The following VLDLR variants were observed in gnomAD, a reference collection of about 807,000 sequenced individuals.
The protein encoded by VLDLR is very low-density lipoprotein receptor.
VLDLR carries 81 observed loss-of-function variants against 112.7 expected under a neutral mutation model. That is an observed-to-expected ratio of 0.72 (90% CI 0.60 to 0.86). VLDLR has a LOEUF of 0.86. Ranked by LOEUF, VLDLR falls within the 40% of genes least tolerant of loss-of-function variation. The probability of loss-of-function intolerance (pLI) is 0.00; values close to 1 mark genes in which losing one functional copy is unlikely to be tolerated. For synonymous variants in VLDLR, 436 were observed against 384.8 expected, an observed-to-expected ratio of 1.13 and a Z score of -1.56; for missense variants, 1,237 against 1,099.4, an observed-to-expected ratio of 1.13 and a Z score of -1.77.
At position 2,622,177 on chromosome 9, in the gene VLDLR, C is replaced by G; in HGVS notation, c.-13C>G. On this transcript the variant is annotated 5_prime_UTR_variant, in exon 1 of 19. It adds an upstream start codon to the 5' untranslated region. Transcript: ENST00000382100. ...GCGGCGGCGGCGGCGGCGGCACCAT[C>G]CAGGCGGGCACCATGGGCACGTCCG... 6.7e-7 allele frequency: 1 copy of G among 1,493,530 alleles called. No homozygotes were observed. 92.5% of individuals were successfully genotyped at this position (1,493,530 alleles called of 1,614,324 possible). A position where few individuals can be genotyped will look rare whatever the true frequency, so the allele number is the denominator to read the frequency against.
In VLDLR at chr9:2,655,952, T is replaced by C. The variant is rs775367045; in HGVS notation, c.*2084T>C. Reference sequence around the variant, plus strand: ...CCTGCTGTGGTACAAAAAACATGGATTTTTTTTTTTTTAACTGGAGTAATA... The same window carrying C: ...CCTGCTGTGGTACAAAAAACATGGACTTTTTTTTTTTTAACTGGAGTAATA... On this transcript the variant is annotated 3_prime_UTR_variant, in exon 19 of 19. Coordinates refer to ENST00000382100, the MANE Select transcript of VLDLR (RefSeq NM_003383.5). 4 of 120,158 alleles carry C rather than the reference T, an allele frequency of 3.3e-5. No homozygotes were observed. The highest frequency in any genetic ancestry group is 6.4e-5 in the Non-Finnish European group (4 of 62,406). The allele number at this position is 120,158 out of a possible 1,614,324, so 7.4% of individuals were successfully genotyped here.
At chr9:2,627,507 C>A (rs1817147348) in intron 1 of VLDLR, among the ~76,000 whole-genome samples, 1 of 152,054 alleles carries the variant, frequency 6.6e-6, no homozygotes, top group Non-Finnish European at 1.5e-5. Context: ...AGCCAACACA[C>A]CCAAAGGGAC....
intron 1 of VLDLR, among the ~76,000 whole-genome samples, chr9:2,627,338 G>A (rs1170090242): frequency 6.6e-6 from 1 of 152,178 alleles, no homozygotes; most frequent in Non-Finnish European, 1.5e-5. Flanking sequence ...CTACAAAAGT[G>A]ATATGACTAA....
intron 14 of VLDLR, 127 bp downstream of exon 14, chr9:2,648,937 C>T (rs1265735415): frequency 1.7e-6 from 2 of 1,175,622 alleles, no homozygotes; most frequent in East Asian, 2.5e-5. Context: ...CCTCCTGTAC[C>T]CTACCTTAAA....
chr9:2,630,731 T>A (rs1817312177), intron 1 of VLDLR, among the ~76,000 whole-genome samples: 1 of 152,192 alleles, frequency 6.6e-6, no homozygotes, highest in African/African-American at 2.4e-5. Context: ...CTATATGCAT[T>A]AAAAACCCTG....
intron 16 of VLDLR, among the ~76,000 whole-genome samples, 161 bp downstream of exon 16, chr9:2,651,659 C>G (rs969822455): frequency 6.6e-6 from 1 of 152,206 alleles, no homozygotes; most frequent in African/African-American, 2.4e-5. Flanking sequence ...CTTTTCCTGA[C>G]TGATCTTAAA....
chr9:2,636,111 G>T (rs186539165), intron 2 of VLDLR, among the ~76,000 whole-genome samples: 32 of 152,282 alleles, frequency 2.1e-4, no homozygotes, highest in Admixed American at 1.8e-3. Context: ...CTCCCCAAGA[G>T]AATGGGGATA....
At chr9:2,630,044 T>A (rs1293900755) in intron 1 of VLDLR, among the ~76,000 whole-genome samples, 5 of 152,158 alleles carry the variant, frequency 3.3e-5, no homozygotes, top group Admixed American at 2.0e-4. Context: ...TCTGCCCGCC[T>A]CAGCCTCCCA....
At chr9:2,653,059 T>G (rs912166208) in intron 18 of VLDLR, 110 bp downstream of exon 18, 4 of 1,371,432 alleles carry the variant, frequency 2.9e-6, no homozygotes, top group Non-Finnish European at 4.1e-6. Context: ...ACCAAACACT[T>G]CATCTGCTAC....
At chr9:2,648,554 C>T (rs1303987002) in intron 13 of VLDLR, 115 bp from the exon 14 acceptor site, 1 of 1,557,338 alleles carries the variant, frequency 6.4e-7, no homozygotes, top group Non-Finnish European at 8.9e-7. Context: ...ATCCAGTGTC[C>T]CAGTTCAGCA....
rs1383520928 is a variant in VLDLR, at chr9:2,655,976, T to C, written c.*2108T>C. The C allele has an allele frequency of 6.6e-6, 1 of 151,870 alleles. No homozygotes were observed. Among genetic ancestry groups the C allele is most frequent in the Non-Finnish European group, 1.5e-5 (1 of 67,996 alleles). The allele number at this position is 151,870 out of a possible 1,614,324, so 9.4% of individuals were successfully genotyped here. ...ATTTTTTTTTTTTTAACTGGAGTAA[T>C]ACCAAATTCCCTTTAGAAGCTTGAA... On this transcript the variant is annotated 3_prime_UTR_variant, in exon 19 of 19. Transcript: ENST00000382100.
chr9:2,651,699 G>T (rs1433121517), intron 16 of VLDLR, among the ~76,000 whole-genome samples, 175 bp from the exon 17 acceptor site: 1 of 152,188 alleles, frequency 6.6e-6, no homozygotes, highest in Non-Finnish European at 1.5e-5. Flanking sequence ...TCAGTGAAAT[G>T]GCTACTACAG....
In VLDLR at chr9:2,658,361, A is replaced by G. The variant is rs1461512148; in HGVS notation, c.*4493A>G. ...AAAGAACAAAGTAGGACCATGACCCAGTGTTCTCCTGTAAATCTCACTGTA... is the reference window on the plus strand; with the variant it reads ...AAAGAACAAAGTAGGACCATGACCCGGTGTTCTCCTGTAAATCTCACTGTA... On this transcript the variant is annotated 3_prime_UTR_variant, in exon 19 of 19. Coordinates refer to ENST00000382100, the MANE Select transcript of VLDLR (RefSeq NM_003383.5). The G allele has an allele frequency of 1.3e-5, 2 of 152,250 alleles. No homozygotes were observed. The highest frequency in any genetic ancestry group is 3.8e-4 in the East Asian group (2 of 5,208). 9.4% of individuals were successfully genotyped at this position (152,250 alleles called of 1,614,324 possible).
chr9:2,642,706 G>C (rs1291609075), intron 4 of VLDLR, among the ~76,000 whole-genome samples: 10 of 152,190 alleles, frequency 6.6e-5, no homozygotes, highest in Admixed American at 6.5e-4. Context: ...AACCATATAT[G>C]GTGGTATGTG....
intron 1 of VLDLR, among the ~76,000 whole-genome samples, chr9:2,631,114 A>G (rs1213176848): frequency 6.6e-6 from 1 of 152,252 alleles, no homozygotes; most frequent in Non-Finnish European, 1.5e-5. Flanking sequence ...CCAAAATGAC[A>G]TATAATCTTA....
At chr9:2,635,594 T>G (rs769004709) in intron 2 of VLDLR, 22 bp downstream of exon 2, 2 of 1,613,958 alleles carry the variant, frequency 1.2e-6, no homozygotes, top group African/African-American at 1.3e-5. Context: ...GTTTGATGAC[T>G]TATGCATTTT....
At chr9:2,627,924 G>C (rs1302583155) in intron 1 of VLDLR, among the ~76,000 whole-genome samples, 1 of 151,852 alleles carries the variant, frequency 6.6e-6, no homozygotes, top group Non-Finnish European at 1.5e-5. Flanking sequence ...TAGGCCTAGG[G>C]AACAGGGACC....
intron 12 of VLDLR, 109 bp from the exon 13 acceptor site, chr9:2,648,099 C>A: frequency 2.0e-6 from 3 of 1,490,534 alleles, no homozygotes; most frequent in Non-Finnish European, 2.8e-6. Flanking sequence ...GTTAAGAAAC[C>A]CTGCTGGGGA....
chr9:2,635,534 A>C lies in VLDLR; in HGVS notation c.164A>C (p.Asp55Ala). Residue 55 changes from aspartate to alanine, a missense_variant, in exon 2 of 19, where the codon GAT becomes GCT. Asp to Ala is a moderately radical substitution (Grantham distance 126, BLOSUM62 -2). Transcript: ENST00000382100. The part of the protein sequence containing the change: ...CITLLWKCDG[D>A]EDCVDGSDEK... ...ACGCTGTTGTGGAAATGTGATGGGG[A>C]TGAAGACTGTGTTGACGGCAGTGAT... 1 of 1,614,166 alleles carries C rather than the reference A, an allele frequency of 6.2e-7. No individual in the cohort carries two copies. The highest frequency in any genetic ancestry group is 1.1e-5 in the South Asian group (1 of 91,088).
Sources: allele counts gnomAD v4.1 joint callset (sites outside exome capture counted in the v4.1 genomes callset), GRCh38; gene constraint gnomAD v4.1.1; transcripts MANE v1.5; gene names NCBI Gene and HGNC (gene_info 2026-07-23, HGNC 2026-07-21).